VWA5B1: variants seen among roughly 807,000 people sequenced by gnomAD.
The protein encoded by VWA5B1 is von Willebrand factor A domain-containing protein 5B1.
VWA5B1 carries 115 observed loss-of-function variants against 118.2 expected under a neutral mutation model. That is an observed-to-expected ratio of 0.97 (90% confidence interval 0.84 to 1.14). The LOEUF is 1.14. Ranked by LOEUF, VWA5B1 falls within the 50% of genes most tolerant of loss-of-function variation. The pLI, the probability that VWA5B1 is intolerant of heterozygous loss-of-function variation, is 0.00. For missense variants in VWA5B1, 1,596 were observed against 1,603.8 expected, an observed-to-expected ratio of 1.00 and a Z score of 0.08; for synonymous variants, 682 against 658.4, an observed-to-expected ratio of 1.04 and a Z score of -0.55.
chr1:20,328,066 A>G (rs2089440985), intron 9 of VWA5B1, 66 bp downstream of exon 9: 1 of 1,460,820 alleles, frequency 6.8e-7, no homozygotes, highest in African/African-American at 1.4e-5. Flanking sequence ...AAAGGAGGGA[A>G]AGGGGAAAAA....
intron 4 of VWA5B1, among the ~76,000 whole-genome samples, chr1:20,315,749 G>A (rs1044262546): frequency 6.6e-6 from 1 of 152,228 alleles, no homozygotes; most frequent in African/African-American, 2.4e-5. Context: ...AGAGAGGAAA[G>A]GAGAGAGGTC....
At chr1:20,325,804 C>T (rs1325576076) in intron 8 of VWA5B1, among the ~76,000 whole-genome samples, 3 of 152,196 alleles carry the variant, frequency 2.0e-5, no homozygotes, top group African/African-American at 7.2e-5. Context: ...AGAAATTACT[C>T]AGGCTACACA....
chr1:20,345,617 G>A (rs1365230821), intron 17 of VWA5B1, 24 bp downstream of exon 17: 1 of 1,525,534 alleles, frequency 6.6e-7, no homozygotes, highest in Non-Finnish European at 8.8e-7. Context: ...GCGGCCGGGG[G>A]CACTCCTGGG....
intron 1 of VWA5B1, among the ~76,000 whole-genome samples, chr1:20,298,802 G>A (rs543323199): frequency 6.6e-6 from 1 of 152,254 alleles, no homozygotes; most frequent in Admixed American, 6.5e-5. Context: ...TCCCTGGTTG[G>A]TTCAGTCTGT....
chr1:20,312,885 G>A lies in VWA5B1; in HGVS notation c.189G>A (p.Glu63=). The A allele has an allele frequency of 6.4e-7, 1 of 1,551,668 alleles. No individual in the cohort carries two copies. ...AGTGCACCACGGTGATCGGCTTTGA[G>A]GCAGTCATTGCCGACCGTGTCGTGA... The part of the protein sequence containing the change: ...LDECTTVIGF[E]AVIADRVVTV... Residue 63 remains glutamate (E), a synonymous_variant, in exon 3 of 22, where the codon GAG becomes GAA. Coordinates refer to ENST00000289815, the MANE Select transcript of VWA5B1 (RefSeq NM_001039500.3).
At position 20,356,393 on chromosome 1, in the gene VWA5B1, T is replaced by C. The variant is rs2090230051; in HGVS notation, c.*2130T>C. Among the ~76,000 whole-genome samples the C allele has an allele frequency of 6.6e-6, 1 of 152,212 alleles. No homozygotes were observed. The highest frequency in any genetic ancestry group is 6.5e-5 in the Admixed American group (1 of 15,280). ...TGAACATGAATTTGCTTGAGTTCTC[T>C]GTGTGACCTTGAACAAGTGGCGTGT... On this transcript the variant is annotated 3_prime_UTR_variant, in exon 22 of 22. Coordinates refer to ENST00000289815, the MANE Select transcript of VWA5B1 (RefSeq NM_001039500.3).
chr1:20,295,004 G>T (rs1245204502), intron 1 of VWA5B1, among the ~76,000 whole-genome samples: 1 of 152,182 alleles, frequency 6.6e-6, no homozygotes, highest in Non-Finnish European at 1.5e-5. Context: ...ACTTAAGACC[G>T]CTCCATGCAT....
At chr1:20,317,743 G>C in intron 5 of VWA5B1, 68 bp downstream of exon 5, 3 of 1,373,168 alleles carry the variant, frequency 2.2e-6, no homozygotes, top group Non-Finnish European at 3.0e-6. Context: ...CCAGGGATGG[G>C]ACGGGGGTGG....
chr1:20,331,556 T>C (rs1323925713), intron 11 of VWA5B1, among the ~76,000 whole-genome samples: 1 of 151,904 alleles, frequency 6.6e-6, no homozygotes, highest in African/African-American at 2.4e-5. Context: ...CCAACAGCTG[T>C]GAAAGGAAAA....
chr1:20,299,563 C>T (rs1423347239), intron 1 of VWA5B1, among the ~76,000 whole-genome samples: 2 of 152,166 alleles, frequency 1.3e-5, no homozygotes, highest in African/African-American at 4.8e-5. Context: ...GAAGCCCTGC[C>T]TGGCTAATTT....
chr1:20,349,226 T>G (rs575857975), intron 18 of VWA5B1: 80 of 446,302 alleles, frequency 1.8e-4, no homozygotes, highest in South Asian at 1.2e-3. Context: ...TTGGTCCCAT[T>G]GGCCTCCAAA....
chr1:20,350,213 A>G lies in VWA5B1; in HGVS notation c.2936A>G (p.Lys979Arg), dbSNP rs1304326886. The G allele has an allele frequency of 6.4e-7, 1 of 1,551,150 alleles. No homozygotes were observed. Residue 979 changes from lysine to arginine, a missense_variant, in exon 19 of 22, where the codon AAG (lysine) becomes AGG (arginine). Lys to Arg is a conservative substitution (Grantham distance 26). Coordinates refer to ENST00000289815, the MANE Select transcript of VWA5B1 (RefSeq NM_001039500.3). ...GAGGCCAGGTCCCCCGGCCGCGAGAAGCACGGTGCTTCTGAAGGTGAGTGG... is the reference window on the plus strand; with the variant it reads ...GAGGCCAGGTCCCCCGGCCGCGAGAGGCACGGTGCTTCTGAAGGTGAGTGG... ...FSEARSPGREKHGASEGPQRS... is the reference protein window; with the variant it reads ...FSEARSPGRERHGASEGPQRS...
Position 20,310,729 on chromosome 1 carries a change from A to G in VWA5B1, c.128A>G (p.Gln43Arg). The change falls in exon 2 of 22, where the codon CAG (glutamine) becomes CGG (arginine). Residue 43 changes from glutamine (Q) to arginine (R), a missense_variant. By Grantham distance (43) the Gln-to-Arg change is conservative. Coordinates refer to ENST00000289815, the MANE Select transcript of VWA5B1 (RefSeq NM_001039500.3). ...CTCACCTATGGCAACCTGGAAGCCC[A>G]GCCCTTCCAGGGTAAGGACACCTGC... ...ASLTYGNLEA[Q>R]PFQGLFVYPL... 4 of 1,547,982 alleles carry G rather than the reference A, an allele frequency of 2.6e-6. No homozygotes were observed. The highest frequency in any genetic ancestry group is 3.5e-6 in the Non-Finnish European group (4 of 1,145,518).
In VWA5B1 at chr1:20,343,316, C is replaced by T. The variant is rs1391409472; in HGVS notation, c.2549C>T (p.Thr850Ile). 5 of 1,545,032 alleles carry T rather than the reference C, an allele frequency of 3.2e-6. No individual in the cohort carries two copies. Among genetic ancestry groups the T allele is most frequent in the Middle Eastern group, 1.7e-4 (1 of 6,004 alleles). Residue 850 changes from threonine (T) to isoleucine (I), a missense_variant, in exon 16 of 22, where the codon ACC becomes ATC. Coordinates refer to ENST00000289815, the MANE Select transcript of VWA5B1 (RefSeq NM_001039500.3). ...GAQDADLWSE[T>I]FHHLAARAII... ...CAGGATGCCGACCTATGGAGCGAGA[C>T]CTTCCACCACCTGGCGGCCCGCGCC...
chr1:20,308,664 G>A (rs1053860700), intron 1 of VWA5B1, among the ~76,000 whole-genome samples: 4 of 152,144 alleles, frequency 2.6e-5, no homozygotes, highest in Non-Finnish European at 4.4e-5. Flanking sequence ...GCTCCCTCCC[G>A]GCTCTTTATC....
At chr1:20,331,832 G>T (rs547168141) in intron 11 of VWA5B1, among the ~76,000 whole-genome samples, 1 of 152,238 alleles carries the variant, frequency 6.6e-6, no homozygotes, top group South Asian at 2.1e-4. Flanking sequence ...CTTTCTTGAA[G>T]AGAGATTTGA....
intron 1 of VWA5B1, among the ~76,000 whole-genome samples, chr1:20,298,463 C>T (rs1185430997): frequency 6.6e-6 from 1 of 152,044 alleles, no homozygotes; most frequent in African/African-American, 2.4e-5. Context: ...GGAAGTCTGG[C>T]CTTGATTAGC....
chr1:20,309,046 A>C (rs1443189012), intron 1 of VWA5B1, among the ~76,000 whole-genome samples: 1 of 152,146 alleles, frequency 6.6e-6, no homozygotes, highest in Non-Finnish European at 1.5e-5. Context: ...TCTTCAAGGC[A>C]TGTGATTACT....
intron 3 of VWA5B1, 87 bp downstream of exon 3, chr1:20,313,075 T>C: frequency 3.4e-6 from 5 of 1,486,046 alleles, no homozygotes; most frequent in Non-Finnish European, 4.5e-6. Context: ...ACTGCAAGGA[T>C]AGCAGTGGGA....
Sources: allele counts gnomAD v4.1 joint callset (sites outside exome capture counted in the v4.1 genomes callset), GRCh38; gene constraint gnomAD v4.1.1; transcripts MANE v1.5; gene names NCBI Gene and HGNC (gene_info 2026-07-23, HGNC 2026-07-21).